Variants in LINGO2 observed in about 807,000 individuals in gnomAD.
LINGO2 encodes leucine-rich repeat and immunoglobulin-like domain-containing nogo receptor-interacting protein 2.
Under a neutral mutation model 30.6 loss-of-function variants are expected in LINGO2, and 14 were observed. The ratio of observed to expected loss-of-function variants is 0.46; its 90% confidence interval spans 0.30 to 0.72. The LOEUF (loss-of-function observed/expected upper bound fraction) is 0.72. Ranked by LOEUF, LINGO2 falls within the 30% of genes least tolerant of loss-of-function variation. LINGO2 has a pLI of 0.07. For missense variants in LINGO2, 729 were observed against 751.7 expected, an observed-to-expected ratio of 0.97 and a Z score of 0.35; for synonymous variants, 317 against 288.5, an observed-to-expected ratio of 1.10 and a Z score of -1.00.
intron 5 of LINGO2, among the ~76,000 whole-genome samples, chr9:27,973,186 A>G (rs987598421): frequency 1.3e-5 from 2 of 152,282 alleles, no homozygotes; most frequent in South Asian, 2.1e-4. Context: ...GTGCATCCAC[A>G]TCTTATTGAT....
the LINGO2 span, among the ~76,000 whole-genome samples, chr9:28,898,259 A>C: frequency 6.6e-6 from 1 of 152,224 alleles, no homozygotes; most frequent in African/African-American, 2.4e-5. Flanking sequence ...TATTAAACAG[A>C]GAGTCTGTAA....
intron 4 of LINGO2, among the ~76,000 whole-genome samples, chr9:28,042,011 G>A (rs1267541045): frequency 6.6e-6 from 1 of 151,940 alleles, no homozygotes; most frequent in Non-Finnish European, 1.5e-5. Context: ...TTTTGGGCAA[G>A]TAACTGAACT....
chr9:29,120,168 C>A, the LINGO2 span, among the ~76,000 whole-genome samples: 1 of 152,232 alleles, frequency 6.6e-6, no homozygotes, highest in Admixed American at 6.5e-5. Flanking sequence ...TGGAGACATC[C>A]ATGTTAGCCA....
intron 1 of LINGO2, among the ~76,000 whole-genome samples, chr9:28,555,436 G>T (rs950408379): frequency 2.4e-4 from 37 of 151,358 alleles, no homozygotes; most frequent in Non-Finnish European, 5.0e-4. Context: ...ACTCTCCCAA[G>T]ACTAAACCAG....
At chr9:29,124,212 A>T in the LINGO2 span, among the ~76,000 whole-genome samples, 2 of 152,232 alleles carry the variant, frequency 1.3e-5, no homozygotes, top group African/African-American at 2.4e-5. Flanking sequence ...AGCCATATGC[A>T]GAAAACTGAA....
chr9:28,535,178 T>C (rs186868607), intron 1 of LINGO2, among the ~76,000 whole-genome samples: 12 of 152,286 alleles, frequency 7.9e-5, no homozygotes, highest in African/African-American at 2.6e-4. Context: ...AATACAGGAA[T>C]TTTGATTTTA....
chr9:29,192,439 T>C, the LINGO2 span, among the ~76,000 whole-genome samples: 2 of 152,142 alleles, frequency 1.3e-5, no homozygotes, highest in Non-Finnish European at 2.9e-5. Context: ...ATCTCCAGTA[T>C]TAAAATGGAG....
At chr9:28,826,303 CT>C in the LINGO2 span, among the ~76,000 whole-genome samples, 1 of 152,128 alleles carries the variant, frequency 6.6e-6, no homozygotes, top group Non-Finnish European at 1.5e-5. Context: ...AATCAAAAGA[CT>C]TTTGAAAAAT....
intron 1 of LINGO2, among the ~76,000 whole-genome samples, chr9:28,506,459 C>T (rs1820128316): frequency 3.8e-5 from 3 of 78,962 alleles, no homozygotes; most frequent in Non-Finnish European, 7.6e-5. Context: ...CACACACATA[C>T]ACATACACAC....
At chr9:28,085,517 C>T (rs1229995627) in intron 4 of LINGO2, among the ~76,000 whole-genome samples, 2 of 152,024 alleles carry the variant, frequency 1.3e-5, no homozygotes, top group South Asian at 2.1e-4. Context: ...AAATGCATGT[C>T]TGGTGTATCA....
chr9:28,439,793 G>T (rs528148070), intron 2 of LINGO2, among the ~76,000 whole-genome samples: 44 of 152,180 alleles, frequency 2.9e-4, no homozygotes, highest in Middle Eastern at 3.4e-3. Context: ...TTTGAAAATG[G>T]ATTAATACAC....
chr9:28,701,860 G>C, the LINGO2 span, among the ~76,000 whole-genome samples: 2 of 151,782 alleles, frequency 1.3e-5, no homozygotes, highest in East Asian at 3.9e-4. Flanking sequence ...TATTTTGTTA[G>C]ATATAAACCT....
chr9:28,367,748 C>T (rs546434421), intron 3 of LINGO2, among the ~76,000 whole-genome samples: 4 of 152,026 alleles, frequency 2.6e-5, no homozygotes, highest in Non-Finnish European at 5.9e-5. Flanking sequence ...TATAGCATCA[C>T]TGGGCCCTTT....
At chr9:29,159,655 G>A in the LINGO2 span, among the ~76,000 whole-genome samples, 3 of 152,110 alleles carry the variant, frequency 2.0e-5, no homozygotes, top group South Asian at 2.1e-4. Flanking sequence ...TCAGGAGTTC[G>A]AGACAAGCCT....
chr9:28,042,792 C>T (rs907477745), intron 4 of LINGO2, among the ~76,000 whole-genome samples: 25 of 152,024 alleles, frequency 1.6e-4, no homozygotes, highest in Non-Finnish European at 3.1e-4. Context: ...GTTATCTTTG[C>T]CTATTTTCTT....
intron 4 of LINGO2, among the ~76,000 whole-genome samples, chr9:28,108,789 C>T (rs1367836510): frequency 1.3e-5 from 2 of 152,118 alleles, no homozygotes; most frequent in Admixed American, 6.6e-5. Flanking sequence ...TTTAATACAT[C>T]TACCCTGAGA....
At chr9:28,367,186 A>G (rs147417382) in intron 3 of LINGO2, among the ~76,000 whole-genome samples, 1 of 151,136 alleles carries the variant, frequency 6.6e-6, no homozygotes, top group East Asian at 1.9e-4. Flanking sequence ...TTCAATTCTT[A>G]TCTCTCCTGG....
chr9:28,313,031 A>G (rs559584732), intron 3 of LINGO2, among the ~76,000 whole-genome samples: 1 of 152,224 alleles, frequency 6.6e-6, no homozygotes, highest in Non-Finnish European at 1.5e-5. Context: ...TCCAGGTACC[A>G]AGCAAAATAC....
chr9:28,518,233 G>C (rs1195826743), intron 1 of LINGO2, among the ~76,000 whole-genome samples: 1 of 152,140 alleles, frequency 6.6e-6, no homozygotes, highest in Non-Finnish European at 1.5e-5. Context: ...TTTTCAAAGA[G>C]TTAAAACAAA....
Sources: gnomAD v4.1 joint callset for allele counts (sites outside exome capture counted in the v4.1 genomes callset) on GRCh38, gnomAD v4.1.1 for gene constraint, MANE v1.5 for transcripts, NCBI Gene and HGNC (gene_info 2026-07-23, HGNC 2026-07-21) for gene names.